MAP1B: variants seen among roughly 807,000 people sequenced by gnomAD.
The protein encoded by MAP1B is microtubule associated protein 1B.
MAP1B carries 12 observed loss-of-function variants against 176.1 expected under a neutral mutation model. The ratio of observed to expected loss-of-function variants is 0.07; its 90% CI spans 0.04 to 0.11. The LOEUF (loss-of-function observed/expected upper bound fraction) is 0.11. Among genes scored for constraint, MAP1B ranks in the 10% least tolerant of loss-of-function variants. The pLI is 1.00. For missense variants in MAP1B, 2,523 were observed against 2,990.5 expected, an observed-to-expected ratio of 0.84 and a Z score of 3.65; for synonymous variants, 1,044 against 1,135.0, an observed-to-expected ratio of 0.92 and a Z score of 1.61.
intron 1 of MAP1B, among the ~76,000 whole-genome samples, chr5:72,114,346 C>T (rs2112118451): frequency 6.6e-6 from 1 of 152,204 alleles, no homozygotes; most frequent in Admixed American, 6.5e-5. Context: ...TAACACACTG[C>T]TATTTATTCC....
intron 2 of MAP1B, among the ~76,000 whole-genome samples, chr5:72,176,037 G>C (rs1355915317): frequency 6.6e-6 from 1 of 152,174 alleles, no homozygotes; most frequent in Non-Finnish European, 1.5e-5. Flanking sequence ...AGATGAAACA[G>C]ATACATAAAC....
chr5:72,175,502 C>T (rs2118695), intron 2 of MAP1B, among the ~76,000 whole-genome samples: 72,524 of 152,048 alleles, frequency 0.48, 20,020 homozygotes, highest in African/African-American at 0.77. Context: ...ACACCATCTA[C>T]GTTATTTATT....
chr5:72,137,456 G>C lies in MAP1B; in HGVS notation c.286+21657G>C, dbSNP rs1229946133. Among the ~76,000 whole-genome samples the C allele has an allele frequency of 2.0e-5, 3 of 152,304 alleles. No individual in the cohort carries two copies. In the East Asian group the frequency reaches 5.8e-4, roughly 29 times the overall value. On this transcript the variant is annotated intron_variant, in intron 2 of 6. Coordinates refer to ENST00000296755, the MANE Select transcript of MAP1B (RefSeq NM_005909.5). ...AAAGCTTATGATCTTTAACTGCTGA[G>C]ATCCATCTTCATTCAGAATTAAATG...
intron 2 of MAP1B, among the ~76,000 whole-genome samples, chr5:72,180,979 G>A (rs1746751586): frequency 6.6e-6 from 1 of 152,156 alleles, no homozygotes; most frequent in African/African-American, 2.4e-5. Flanking sequence ...CCAAATCCTG[G>A]CTTGACCACT....
chr5:72,108,123 A>C (rs1466717566), intron 1 of MAP1B, among the ~76,000 whole-genome samples: 1 of 152,076 alleles, frequency 6.6e-6, no homozygotes, highest in African/African-American at 2.4e-5. Flanking sequence ...TGGGACCCCC[A>C]CCACCGCAGA....
chr5:72,206,577 T>C lies in MAP1B; in HGVS notation c.*1338T>C, dbSNP rs968793487. The C allele has an allele frequency of 6.6e-6, 1 of 152,604 alleles. No individual in the cohort carries two copies. 9.5% of individuals were successfully genotyped at this position (152,604 alleles called of 1,614,324 possible). On this transcript the variant is annotated 3_prime_UTR_variant, in exon 7 of 7. Coordinates refer to ENST00000296755, the MANE Select transcript of MAP1B (RefSeq NM_005909.5). ...AAATTTTCCATTAATTTCAACATAATTATGGGAACAAGTGTACAGAAGAAT... is the reference window on the plus strand; with the variant it reads ...AAATTTTCCATTAATTTCAACATAACTATGGGAACAAGTGTACAGAAGAAT...
chr5:72,151,906 A>G (rs187917620), intron 2 of MAP1B, among the ~76,000 whole-genome samples: 269 of 152,298 alleles, frequency 1.8e-3, no homozygotes, highest in African/African-American at 6.2e-3. Flanking sequence ...ATAACTTTAG[A>G]TTTACAGACC....
chr5:72,144,698 C>A (rs989876572), intron 2 of MAP1B, among the ~76,000 whole-genome samples: 1 of 152,156 alleles, frequency 6.6e-6, no homozygotes, highest in Non-Finnish European at 1.5e-5. Flanking sequence ...GCCAGGCCCA[C>A]GCTGAATTTC....
chr5:72,175,087 C>T (rs1474837326), intron 2 of MAP1B, among the ~76,000 whole-genome samples: 3 of 140,562 alleles, frequency 2.1e-5, no homozygotes, highest in Admixed American at 7.4e-5. Flanking sequence ...CTTCTTTTGA[C>T]AGGATTTCAC....
chr5:72,178,443 G>T (rs1283410114), intron 2 of MAP1B, among the ~76,000 whole-genome samples: 1 of 152,166 alleles, frequency 6.6e-6, no homozygotes, highest in Admixed American at 6.5e-5. Flanking sequence ...CACATTGTAA[G>T]TTACTCCAGT....
intron 2 of MAP1B, among the ~76,000 whole-genome samples, chr5:72,167,530 T>G (rs1053035993): frequency 6.6e-6 from 1 of 152,216 alleles, no homozygotes; most frequent in Non-Finnish European, 1.5e-5. Flanking sequence ...AGAAAACTCA[T>G]TCAGAATATT....
intron 2 of MAP1B, among the ~76,000 whole-genome samples, chr5:72,150,921 A>C (rs1265126114): frequency 1.3e-5 from 2 of 152,194 alleles, no homozygotes; most frequent in African/African-American, 4.8e-5. Context: ...GAGGTGATGC[A>C]CAGCAGAGTT....
In MAP1B at chr5:72,107,715, G is replaced by C; in HGVS notation, c.184G>C (p.Gly62Arg). 1.3e-6 allele frequency: 2 copies of C among 1,598,790 alleles called. No individual in the cohort carries two copies. Among genetic ancestry groups the C allele is most frequent in the Non-Finnish European group, 1.7e-6 (2 of 1,179,430 alleles). Reference sequence around the variant, plus strand: ...GCGTGCCATCGGCAACATCGAGCTCGGTAAGTGGCCCCGCGCCCCCAGAGA... The same window carrying C: ...GCGTGCCATCGGCAACATCGAGCTCCGTAAGTGGCCCCGCGCCCCCAGAGA... ...LRRAIGNIEL[G>R]IRSWDTNLIE... The change falls in exon 1 of 7, where the codon GGA becomes CGA. Residue 62 changes from glycine to arginine, a missense_variant and splice_region_variant. Transcript: ENST00000296755.
chr5:72,200,350 C>T lies in MAP1B; in HGVS notation c.6995C>T (p.Ala2332Val), dbSNP rs771129683. Reference sequence around the variant, plus strand: ...GCCAATGCCTCTGCATCCAAGTCGGCCAAGACCGCCACTGCAGGTAGGTTG... The same window carrying T: ...GCCAATGCCTCTGCATCCAAGTCGGTCAAGACCGCCACTGCAGGTAGGTTG... ...NAANASASKS[A>V]KTATAGPGTT... Residue 2332 changes from alanine to valine, a missense_variant, in exon 5 of 7, where the codon GCC (alanine) becomes GTC (valine). This residue lies in a region of MAP1B where 287 missense variants were observed against 401.5 expected (regional missense o/e 0.71). Coordinates refer to ENST00000296755, the MANE Select transcript of MAP1B (RefSeq NM_005909.5). 4 of 1,612,974 alleles carry T rather than the reference C, an allele frequency of 2.5e-6. No homozygotes were observed. Among genetic ancestry groups the T allele is most frequent in the South Asian group, 2.2e-5 (2 of 91,002 alleles).
At chr5:72,117,992 A>G (rs1745463485) in intron 2 of MAP1B, among the ~76,000 whole-genome samples, 1 of 152,240 alleles carries the variant, frequency 6.6e-6, no homozygotes, top group Admixed American at 6.5e-5. Flanking sequence ...CATGGAGATC[A>G]CAGGATGATC....
intron 2 of MAP1B, among the ~76,000 whole-genome samples, chr5:72,134,736 A>G (rs540404746): frequency 7.0e-4 from 107 of 152,062 alleles, no homozygotes; most frequent in African/African-American, 2.4e-3. Context: ...AAAGCAGAAT[A>G]TCATTCTTCT....
rs756150263 is a variant in MAP1B at position 72,196,778 on chromosome 5, C to T, written c.3423C>T (p.Asp1141=). The change falls in exon 5 of 7, where the codon GAC becomes GAT. Residue 1141 remains aspartate, a synonymous_variant. Coordinates refer to ENST00000296755, the MANE Select transcript of MAP1B (RefSeq NM_005909.5). This position sits in a 1 kb window ranked among gnomAD's most constrained non-coding sequence, Gnocchi z 5.3. The stretch of plus-strand genomic sequence containing the variant: ...TGGATGAGATGTCTACCCCTCGAGA[C>T]GTGATGAGTGATGAGACCAACAATG... ...TPMDEMSTPR[D]VMSDETNNEE... is the part of the protein sequence containing the mutation. 8.7e-6 allele frequency: 14 copies of T among 1,613,990 alleles called. No individual in the cohort carries two copies. Among genetic ancestry groups the T allele is most frequent in the Middle Eastern group, 1.6e-4 (1 of 6,084 alleles).
At chr5:72,202,542 A>G (rs1021038183) in intron 5 of MAP1B, among the ~76,000 whole-genome samples, 5 of 152,220 alleles carry the variant, frequency 3.3e-5, no homozygotes, top group Non-Finnish European at 7.3e-5. Context: ...TTAAGCATGT[A>G]AAATCTAGCT....
Position 72,107,576 on chromosome 5 carries a change from C to A in MAP1B, c.45C>A (p.Gly15=), listed in dbSNP as rs1338318094. The change falls in exon 1 of 7, where the codon GGC becomes GGA. Residue 15 remains glycine (G), a synonymous_variant. Transcript: ENST00000296755. ...AAGCCACCGAGCCGGAGCCGTCCGG[C>A]AGCATCGCCAACCCGGCGGCGTCCA... The part of the protein sequence containing the change: ...VVEATEPEPS[G]SIANPAASTS... The A allele has an allele frequency of 1.3e-6, 2 of 1,589,928 alleles. No individual in the cohort carries two copies. The highest frequency in any genetic ancestry group is 3.4e-5 in the Admixed American group (2 of 58,586).
Sources: allele counts gnomAD v4.1 joint callset (sites outside exome capture counted in the v4.1 genomes callset), GRCh38; gene constraint gnomAD v4.1.1; regional missense constraint gnomAD v4.1.1; non-coding constraint Gnocchi (gnomAD v3.1); transcripts MANE v1.5; gene names NCBI Gene and HGNC (gene_info 2026-07-23, HGNC 2026-07-21).